Variants in PTPRN2 observed in about 807,000 individuals in gnomAD.
PTPRN2 encodes protein tyrosine phosphatase receptor type N2.
PTPRN2 carries 74 observed loss-of-function variants against 118.8 expected under a neutral mutation model. The ratio of observed to expected loss-of-function variants is 0.62; its 90% CI spans 0.52 to 0.76. PTPRN2 has a LOEUF of 0.76. PTPRN2 is among the 30% of genes least tolerant of loss of function. The probability of loss-of-function intolerance (pLI) is 0.00; values close to 1 mark genes in which losing one functional copy is unlikely to be tolerated. For synonymous variants in PTPRN2, 641 were observed against 608.0 expected, an observed-to-expected ratio of 1.05 and a Z score of -0.80; for missense variants, 1,481 against 1,394.4, an observed-to-expected ratio of 1.06 and a Z score of -0.99.
intron 2 of PTPRN2, among the ~76,000 whole-genome samples, chr7:158,317,202 C>A (rs1802406910): frequency 6.6e-6 from 1 of 152,232 alleles, no homozygotes; most frequent in African/African-American, 2.4e-5. Context: ...CTCCATACCC[C>A]CCGAGCCCTC....
At chr7:157,797,984 C>A (rs970314016) in intron 12 of PTPRN2, among the ~76,000 whole-genome samples, 2 of 152,210 alleles carry the variant, frequency 1.3e-5, no homozygotes, top group Non-Finnish European at 1.5e-5. Flanking sequence ...CTGGGCCAGG[C>A]GTCGTGGCTC....
At chr7:158,080,755 C>T (rs577865203) in intron 11 of PTPRN2, among the ~76,000 whole-genome samples, 19 of 152,262 alleles carry the variant, frequency 1.2e-4, no homozygotes, top group Non-Finnish European at 2.5e-4. Flanking sequence ...ATGTGTGATT[C>T]GCAATGCCCA....
At position 157,903,820 on chromosome 7, in the gene PTPRN2, G is replaced by C. The variant is rs1235654389; in HGVS notation, c.1724-5083C>G. Among the ~76,000 whole-genome samples the C allele has an allele frequency of 6.6e-6, 1 of 152,132 alleles. No individual in the cohort carries two copies. The highest frequency in any genetic ancestry group is 1.5e-5 in the Non-Finnish European group (1 of 68,032). ...CCACACACCAAGTGCCGGCGCAAGC[G>C]CTTCCCACACTTCAATCCGTCTCCC... On this transcript the variant is annotated intron_variant, in intron 11 of 22. Coordinates refer to ENST00000389418, the MANE Select transcript of PTPRN2 (RefSeq NM_002847.5). This position sits in a 1 kb window ranked among gnomAD's most constrained non-coding sequence, Gnocchi z 4.2.
At chr7:157,897,904 C>T (rs1280009435) in intron 12 of PTPRN2, among the ~76,000 whole-genome samples, 1 of 152,396 alleles carries the variant, frequency 6.6e-6, no homozygotes, top group South Asian at 2.1e-4. Flanking sequence ...AACGCGGGAG[C>T]GCAGATTGGC....
chr7:158,184,158 A>T (rs1198209606), intron 5 of PTPRN2, among the ~76,000 whole-genome samples: 3 of 151,862 alleles, frequency 2.0e-5, no homozygotes, highest in Non-Finnish European at 2.9e-5. Flanking sequence ...CTAGTTATCA[A>T]TTTTTTTTAA....
rs1474605361 is a variant in PTPRN2 at position 157,986,101 on chromosome 7, T to C, written c.1724-87364A>G. 6.6e-6 allele frequency among the ~76,000 whole-genome samples: 1 copy of C among 152,228 alleles called. No homozygotes were observed. The highest frequency in any genetic ancestry group is 1.5e-5 in the Non-Finnish European group (1 of 68,036). ...TGGAGGTGGGAGGAGGGAGGGGTTC[T>C]GACCATCTTCTCTGGTGCTCAGTGA... On this transcript the variant is annotated intron_variant, in intron 11 of 22. Transcript: ENST00000389418. The surrounding 1 kb of genome is among the most constrained non-coding windows in gnomAD (Gnocchi z 4.5).
At position 157,697,733 on chromosome 7, in the gene PTPRN2, T is replaced by C. The variant is rs1245857182; in HGVS notation, c.1789-14796A>G. Among the ~76,000 whole-genome samples the C allele has an allele frequency of 8.1e-4, 113 of 138,840 alleles. 1 individual carries two copies. The highest frequency in any genetic ancestry group is 1.5e-3 in the Non-Finnish European group (96 of 64,860). 91.1% of individuals were successfully genotyped at this position (138,840 alleles called of 152,430 possible). On this transcript the variant is annotated intron_variant, in intron 12 of 22. Transcript: ENST00000389418. Reference sequence around the variant, plus strand: ...CCGTCTACCCATGCATACTGGATCTTGGCAGAGCCCTCACCGTCTACCCAT... The same window carrying C: ...CCGTCTACCCATGCATACTGGATCTCGGCAGAGCCCTCACCGTCTACCCAT...
intron 2 of PTPRN2, among the ~76,000 whole-genome samples, chr7:158,340,385 T>C (rs1806452648): frequency 3.5e-5 from 3 of 84,730 alleles, no homozygotes; most frequent in Non-Finnish European, 4.9e-5. Flanking sequence ...ACCCATACTC[T>C]CACCATAAGA....
At chr7:158,238,999 AG>A (rs1795738168) in intron 3 of PTPRN2, among the ~76,000 whole-genome samples, 1 of 152,164 alleles carries the variant, frequency 6.6e-6, no homozygotes, top group Admixed American at 6.5e-5. Context: ...TGCTGGCCTC[AG>A]AGGCTCTCGT....
chr7:158,307,624 C>T (rs539109344), intron 3 of PTPRN2, among the ~76,000 whole-genome samples: 1 of 152,218 alleles, frequency 6.6e-6, no homozygotes, highest in South Asian at 2.1e-4. Context: ...ACAGCCACAC[C>T]TAGATACATC....
intron 3 of PTPRN2, among the ~76,000 whole-genome samples, chr7:158,268,576 C>T (rs1182550366): frequency 9.4e-5 from 13 of 138,678 alleles, no homozygotes; most frequent in Non-Finnish European, 4.6e-5. Context: ...GCCGCACGCA[C>T]ACAGGGCGGG....
At chr7:158,179,271 T>A (rs1824491455) in intron 5 of PTPRN2, among the ~76,000 whole-genome samples, 1 of 152,204 alleles carries the variant, frequency 6.6e-6, no homozygotes, top group African/African-American at 2.4e-5. Context: ...GTTGAGCATT[T>A]TTTTCATATG....
At chr7:158,341,156 C>T (rs1297040027) in intron 2 of PTPRN2, among the ~76,000 whole-genome samples, 24 of 142,602 alleles carry the variant, frequency 1.7e-4, no homozygotes, top group Middle Eastern at 7.4e-3. Context: ...TAAGAGCTGA[C>T]GCCCGCAGAC....
At position 158,342,486 on chromosome 7, in the gene PTPRN2, ACGT is replaced by A. The variant is rs1563180452; in HGVS notation, c.164-25557_164-25555del. 3.7e-4 allele frequency among the ~76,000 whole-genome samples: 30 copies of A among 80,004 alleles called. 8 individuals are homozygous for A. The highest frequency in any genetic ancestry group is 1.5e-3 in the African/African-American group (23 of 15,432). The allele number at this position is 80,004 out of a possible 152,430, so 52.5% of individuals were successfully genotyped here. A position where few individuals can be genotyped will look rare whatever the true frequency, so the allele number is the denominator to read the frequency against. On this transcript the variant is annotated intron_variant, in intron 2 of 22. Transcript: ENST00000389418. ...TCACCATAAGAGCTGACACCTGCAGACGTCACTCAAACCCACACTCTCACCATA... is the reference window on the plus strand; with the variant it reads ...TCACCATAAGAGCTGACACCTGCAGACACTCAAACCCACACTCTCACCATA...
At chr7:158,506,419 C>T (rs1822750046) in intron 1 of PTPRN2, among the ~76,000 whole-genome samples, 1 of 152,172 alleles carries the variant, frequency 6.6e-6, no homozygotes, top group Non-Finnish European at 1.5e-5. Context: ...ACCGGCCACA[C>T]AGGTGTGGTG....
intron 8 of PTPRN2, 110 bp downstream of exon 8, chr7:158,136,545 A>G (rs1818834055): frequency 2.0e-6 from 2 of 1,012,554 alleles, no homozygotes; most frequent in Non-Finnish European, 1.5e-6. Context: ...TTTCTCCATA[A>G]TTTTCTGGGA....
chr7:158,211,507 C>G (rs1443059043), intron 3 of PTPRN2, among the ~76,000 whole-genome samples: 1 of 152,144 alleles, frequency 6.6e-6, no homozygotes, highest in Non-Finnish European at 1.5e-5. Flanking sequence ...TCAAACAACT[C>G]TGTAGAAAAA....
At chr7:158,103,373 C>A (rs1025734313) in intron 10 of PTPRN2, among the ~76,000 whole-genome samples, 1 of 152,200 alleles carries the variant, frequency 6.6e-6, no homozygotes, top group South Asian at 2.1e-4. Flanking sequence ...GGTAAAAAGC[C>A]TTAAAATAAC....
At chr7:158,516,808 T>C (rs1823604887) in intron 1 of PTPRN2, among the ~76,000 whole-genome samples, 1 of 151,928 alleles carries the variant, frequency 6.6e-6, no homozygotes, top group African/African-American at 2.4e-5. Context: ...GTGCTTTTCT[T>C]GGTGCTCTTG....
Sources: gnomAD v4.1 joint callset for allele counts (sites outside exome capture counted in the v4.1 genomes callset) on GRCh38, gnomAD v4.1.1 for gene constraint, Gnocchi (gnomAD v3.1) non-coding constraint, MANE v1.5 for transcripts, NCBI Gene and HGNC (gene_info 2026-07-23, HGNC 2026-07-21) for gene names.